The following SLC35B3 variants were observed in gnomAD, a reference collection of about 807,000 sequenced individuals.
The protein encoded by SLC35B3 is adenosine 3'-phospho 5'-phosphosulfate transporter 2.
A neutral mutation model predicts 44.1 loss-of-function variants in SLC35B3; 35 were observed. That is an observed-to-expected ratio of 0.79 (90% CI 0.61 to 1.05). The LOEUF (loss-of-function observed/expected upper bound fraction) is 1.05. SLC35B3 is among the 50% of genes least tolerant of loss of function. The pLI is 0.00. For synonymous variants in SLC35B3, 146 were observed against 167.3 expected (o/e 0.87, Z 0.98); for missense variants, 414 against 476.4 (o/e 0.87, Z 1.22).
chr6:8,420,643 A>T lies in SLC35B3; in HGVS notation c.682+78T>A. 1.8e-6 allele frequency: 2 copies of T among 1,094,748 alleles called. No homozygotes were observed. Among genetic ancestry groups the T allele is most frequent in the South Asian group, 2.9e-5 (2 of 69,836 alleles). The allele number at this position is 1,094,748 out of a possible 1,614,324, so 67.8% of individuals were successfully genotyped here. ...TTGCAGCTGTCACACTATCATTTAA[A>T]ATGCTTACAAAATATTCGAAATTCG... On this transcript the variant is annotated intron_variant, in intron 6 of 10. Transcript: ENST00000644923. The surrounding 1 kb of genome is among the most constrained non-coding windows in gnomAD (Gnocchi z 4.4).
intron 4 of SLC35B3, among the ~76,000 whole-genome samples, chr6:8,425,673 T>A (rs1333681968): frequency 6.6e-6 from 1 of 152,064 alleles, no homozygotes; most frequent in Non-Finnish European, 1.5e-5. Context: ...TCAACACCAT[T>A]TTATGATTAA....
intron 3 of SLC35B3, 105 bp from the exon 3 acceptor site, chr6:8,428,163 C>G: frequency 1.9e-6 from 2 of 1,040,368 alleles, no homozygotes; most frequent in Non-Finnish European, 2.6e-6. Flanking sequence ...AGCCCCACCT[C>G]CAACAACAAC....
At chr6:8,425,450 A>G (rs1206049172) in intron 4 of SLC35B3, among the ~76,000 whole-genome samples, 1 of 152,064 alleles carries the variant, frequency 6.6e-6, no homozygotes, top group East Asian at 1.9e-4. Flanking sequence ...AGGAAGTTGG[A>G]TTTCATCAGC....
intron 4 of SLC35B3, among the ~76,000 whole-genome samples, chr6:8,426,744 G>A (rs181515649): frequency 2.3e-4 from 35 of 152,288 alleles, no homozygotes; most frequent in Admixed American, 1.0e-3. Context: ...ACCCAAAAAT[G>A]TGGAAGCAAC....
rs142783777 is a variant in SLC35B3, at chr6:8,430,141, G to T, written c.20C>A (p.Ala7Glu). 8.8e-6 allele frequency: 14 copies of T among 1,584,278 alleles called. No individual in the cohort carries two copies. The highest frequency in any genetic ancestry group is 1.2e-5 in the Non-Finnish European group (14 of 1,166,976). Residue 7 changes from alanine (A) to glutamate (E), a missense_variant, in exon 3 of 11, where the codon GCA becomes GAA. Coordinates refer to ENST00000644923, the MANE Select transcript of SLC35B3 (RefSeq NM_001370476.2). Reference sequence around the variant, plus strand: ...GACTGTTATGTTCTGTATGTCTTTTGCTTGCTGTGTCAAGTCCTAGAGAAG... The same window carrying T: ...GACTGTTATGTTCTGTATGTCTTTTTCTTGCTGTGTCAAGTCCTAGAGAAG...
chr6:8,413,706 GA>G lies in SLC35B3; in HGVS notation c.1056-8del. The G allele has an allele frequency of 1.4e-6, 2 of 1,471,192 alleles. No individual in the cohort carries two copies. The highest frequency in any genetic ancestry group is 1.8e-6 in the Non-Finnish European group (2 of 1,094,512). The allele number at this position is 1,471,192 out of a possible 1,614,324, so 91.1% of individuals were successfully genotyped here. A position where few individuals can be genotyped will look rare whatever the true frequency, so the allele number is the denominator to read the frequency against. On this transcript the variant is annotated splice_region_variant and splice_polypyrimidine_tract_variant and intron_variant, in intron 10 of 10. Transcript: ENST00000644923. ...CAAACCAGACCATACATACCTAAGA[GA>G]AAGAAATAAGGAAAAAAAATTAAAA...
intron 4 of SLC35B3, among the ~76,000 whole-genome samples, chr6:8,424,734 T>C (rs1763259417): frequency 6.6e-6 from 1 of 152,206 alleles, no homozygotes; most frequent in African/African-American, 2.4e-5. Flanking sequence ...TTACCACATA[T>C]GAGCCTCAAG....
chr6:8,416,971 C>T lies in SLC35B3; in HGVS notation c.898G>A (p.Ala300Thr), dbSNP rs777326370. The T allele has an allele frequency of 1.2e-5, 19 of 1,602,420 alleles. No homozygotes were observed. The highest frequency in any genetic ancestry group is 1.6e-5 in the Non-Finnish European group (19 of 1,174,824). Residue 300 changes from alanine (A) to threonine (T), a missense_variant, in exon 9 of 11, where the codon GCG becomes ACG. Transcript: ENST00000644923. ...TATCCAGTGAGGGAAAAAAGGAACG[C>T]ATAACCATAGGTCCGAACTGGATTC... is the stretch of plus-strand genomic sequence containing the variant.
In SLC35B3 at chr6:8,435,461, C is replaced by G; in HGVS notation, c.-162G>C. ...CACCTCCTCTTCCTCCTCCTCCTCG[C>G]CCACTCCTGCACTTTCCACCGCGGC... is the stretch of plus-strand genomic sequence containing the variant. On this transcript the variant is annotated 5_prime_UTR_variant, in exon 1 of 11. Transcript: ENST00000644923. The surrounding 1 kb of genome is among the most constrained non-coding windows in gnomAD (Gnocchi z 5.5). 8.7e-7 allele frequency: 1 copy of G among 1,146,192 alleles called. No homozygotes were observed. The highest frequency in any genetic ancestry group is 1.2e-6 in the Non-Finnish European group (1 of 862,282). 71.0% of individuals were successfully genotyped at this position (1,146,192 alleles called of 1,614,324 possible). A position where few individuals can be genotyped will look rare whatever the true frequency, so the allele number is the denominator to read the frequency against.
Position 8,418,495 on chromosome 6 carries a change from A to G in SLC35B3, c.781-1001T>C, listed in dbSNP as rs9393010. Among the ~76,000 whole-genome samples, 132 of 151,752 alleles carry G rather than the reference A, an allele frequency of 8.7e-4. 1 individual carries two copies. In the East Asian group the frequency reaches 0.023, roughly 27 times the overall value. ...AACACACACACACACACACACATAC[A>G]CACACATAATTTTCCTATATAAAAA... is the stretch of plus-strand genomic sequence containing the variant. On this transcript the variant is annotated intron_variant, in intron 7 of 10. Transcript: ENST00000644923.
chr6:8,428,009 G>T lies in SLC35B3; in HGVS notation c.347C>A (p.Thr116Asn). Residue 116 changes from threonine to asparagine, a missense_variant, in exon 4 of 11, where the codon ACC becomes AAC. Thr to Asn is a moderately conservative substitution (Grantham distance 65). Coordinates refer to ENST00000644923, the MANE Select transcript of SLC35B3 (RefSeq NM_001370476.2). ...GGAGTAAAAGGCAAACTGCACTAAGGTAAGGTACCAGCCACAGGACTTAAA... is the reference window on the plus strand; with the variant it reads ...GGAGTAAAAGGCAAACTGCACTAAGTTAAGGTACCAGCCACAGGACTTAAA... 6.2e-7 allele frequency: 1 copy of T among 1,610,954 alleles called. No homozygotes were observed. The highest frequency in any genetic ancestry group is 8.5e-7 in the Non-Finnish European group (1 of 1,178,246).
Position 8,429,996 on chromosome 6 carries a change from C to T in SLC35B3, c.165G>A (p.Met55Ile). 6.2e-7 allele frequency: 1 copy of T among 1,613,894 alleles called. No individual in the cohort carries two copies. Among genetic ancestry groups the T allele is most frequent in the South Asian group, 1.1e-5 (1 of 91,048 alleles). The change falls in exon 3 of 11, where the codon ATG becomes ATA. Residue 55 changes from methionine to isoleucine, a missense_variant. Transcript: ENST00000644923. ...CGTCAACTGACTTGATGTGTGGTGA[C>T]ATTGTTTGGGTTTTGGATGGCACAG...
At chr6:8,427,728 A>G (rs1023479118) in intron 4 of SLC35B3, among the ~76,000 whole-genome samples, 4 of 152,304 alleles carry the variant, frequency 2.6e-5, no homozygotes, top group Middle Eastern at 3.4e-3. Context: ...CCTAAAGCTA[A>G]TATTTTTTTA....
At chr6:8,431,994 A>G (rs1365762950) in intron 2 of SLC35B3, among the ~76,000 whole-genome samples, 1 of 152,154 alleles carries the variant, frequency 6.6e-6, no homozygotes, top group African/African-American at 2.4e-5. Flanking sequence ...TCTCAAGGTC[A>G]GGTTTGGAAG....
rs1762081333 is a variant in SLC35B3 at position 8,412,180 on chromosome 6, C to T, written c.*1369G>A. 6.6e-6 allele frequency among the ~76,000 whole-genome samples: 1 copy of T among 152,150 alleles called. No individual in the cohort carries two copies. The highest frequency in any genetic ancestry group is 2.4e-5 in the African/African-American group (1 of 41,436). ...TTCTGTGAACCAGAAAGCAGGCTCT[C>T]ACCAAATCTGCCAGCACCTCCATCT... On this transcript the variant is annotated 3_prime_UTR_variant, in exon 11 of 11. Coordinates refer to ENST00000644923, the MANE Select transcript of SLC35B3 (RefSeq NM_001370476.2).
Position 8,427,960 on chromosome 6 carries a change from C to G in SLC35B3, c.396G>C (p.Gln132His), listed in dbSNP as rs1185160530. Reference sequence around the variant, plus strand: ...ACCTCCTCCTTTTGTCCTGAATAAGCTGAAGTTCTATTAGGCCAAATATGG... The same window carrying G: ...ACCTCCTCCTTTTGTCCTGAATAAGGTGAAGTTCTATTAGGCCAAATATGG... The change falls in exon 4 of 11, where the codon CAG becomes CAC. Residue 132 changes from glutamine (Q) to histidine (H), a missense_variant. Physicochemically the swap from Gln to His is conservative, Grantham distance 24 (BLOSUM62 0). Coordinates refer to ENST00000644923, the MANE Select transcript of SLC35B3 (RefSeq NM_001370476.2). 1.2e-6 allele frequency: 2 copies of G among 1,612,506 alleles called. No individual in the cohort carries two copies. The highest frequency in any genetic ancestry group is 1.7e-5 in the Admixed American group (1 of 59,936).
In SLC35B3 at chr6:8,420,626, G is replaced by A. The variant is rs999880276; in HGVS notation, c.682+95C>T. On this transcript the variant is annotated intron_variant, in intron 6 of 10. Coordinates refer to ENST00000644923, the MANE Select transcript of SLC35B3 (RefSeq NM_001370476.2). This position sits in a 1 kb window ranked among gnomAD's most constrained non-coding sequence, Gnocchi z 4.4. ...TATGTTAGATATGAAAATTGCAGCT[G>A]TCACACTATCATTTAAAATGCTTAC... 2.7e-4 allele frequency: 233 copies of A among 854,606 alleles called. No homozygotes were observed. Among genetic ancestry groups the A allele is most frequent in the Middle Eastern group, 1.7e-3 (7 of 4,050 alleles). The allele number at this position is 854,606 out of a possible 1,614,324, so 52.9% of individuals were successfully genotyped here. A position where few individuals can be genotyped will look rare whatever the true frequency, so the allele number is the denominator to read the frequency against.
chr6:8,423,523 C>T (rs1290020178), intron 4 of SLC35B3, among the ~76,000 whole-genome samples: 1 of 152,156 alleles, frequency 6.6e-6, no homozygotes, highest in Non-Finnish European at 1.5e-5. Context: ...AGCATATGCT[C>T]ACTTTGACTA....
intron 4 of SLC35B3, among the ~76,000 whole-genome samples, chr6:8,424,153 T>C (rs1456565750): frequency 1.3e-5 from 2 of 152,228 alleles, no homozygotes; most frequent in African/African-American, 4.8e-5. Flanking sequence ...TGTTTTCTCA[T>C]TGGTATAATG....
Sources: allele counts gnomAD v4.1 joint callset (sites outside exome capture counted in the v4.1 genomes callset), GRCh38; gene constraint gnomAD v4.1.1; non-coding constraint Gnocchi (gnomAD v3.1); transcripts MANE v1.5; gene names NCBI Gene and HGNC (gene_info 2026-07-23, HGNC 2026-07-21).